ZFPM2: variants seen among roughly 807,000 people sequenced by gnomAD.
The protein encoded by ZFPM2 is zinc finger protein ZFPM2.
In ZFPM2, 20 loss-of-function variants were observed where a neutral mutation model predicts 98.6. The ratio of observed to expected loss-of-function variants is 0.20; its 90% confidence interval spans 0.14 to 0.29. ZFPM2 has a LOEUF of 0.29. Ranked by LOEUF, ZFPM2 falls within the 10% of genes least tolerant of loss-of-function variation. The pLI is 1.00. For synonymous variants in ZFPM2, 518 were observed against 502.7 expected, an observed-to-expected ratio of 1.03 and a Z score of -0.41; for missense variants, 1,310 against 1,388.6, an observed-to-expected ratio of 0.94 and a Z score of 0.90.
chr8:105,366,609 G>A (rs1233664548), intron 1 of ZFPM2, among the ~76,000 whole-genome samples: 38 of 151,334 alleles, frequency 2.5e-4, no homozygotes, highest in Non-Finnish European at 2.1e-4. Flanking sequence ...ATGCTGGTGC[G>A]CTGCACCCAC....
At position 105,802,880 on chromosome 8, in the gene ZFPM2, C is replaced by T. The variant is rs1376349550; in HGVS notation, c.2798C>T (p.Ser933Leu). The change falls in exon 8 of 8, where the codon TCA becomes TTA. Residue 933 changes from serine to leucine, a missense_variant. Ser to Leu is a moderately radical substitution (Grantham distance 145, BLOSUM62 -2). Coordinates refer to ENST00000407775, the MANE Select transcript of ZFPM2 (RefSeq NM_012082.4). ...KQPSPNGNLF[S>L]SHLATLQGLK... Reference sequence around the variant, plus strand: ...CCTTCCCCCAATGGAAACTTATTTTCATCCCACCTAGCAACCCTGCAAGGC... The same window carrying T: ...CCTTCCCCCAATGGAAACTTATTTTTATCCCACCTAGCAACCCTGCAAGGC... 6.2e-7 allele frequency: 1 copy of T among 1,613,780 alleles called. No individual in the cohort carries two copies. The highest frequency in any genetic ancestry group is 1.7e-5 in the Admixed American group (1 of 59,986).
intron 5 of ZFPM2, among the ~76,000 whole-genome samples, chr8:105,721,932 G>T (rs1294293503): frequency 6.6e-6 from 1 of 151,724 alleles, no homozygotes; most frequent in Non-Finnish European, 1.5e-5. Context: ...GAGATATGTA[G>T]CAAATGTAAA....
intron 4 of ZFPM2, among the ~76,000 whole-genome samples, chr8:105,598,079 T>G (rs960224923): frequency 2.0e-5 from 3 of 151,178 alleles, no homozygotes; most frequent in Non-Finnish European, 4.4e-5. Flanking sequence ...TTTTTTTTTT[T>G]TTTTGGTCAG....
intron 5 of ZFPM2, among the ~76,000 whole-genome samples, chr8:105,644,187 G>A (rs1816997360): frequency 6.6e-6 from 1 of 151,796 alleles, no homozygotes; most frequent in Non-Finnish European, 1.5e-5. Flanking sequence ...AGTTGCATGG[G>A]CTCCTTGCTT....
At chr8:105,575,728 CT>C (rs1815452273) in intron 4 of ZFPM2, among the ~76,000 whole-genome samples, 1 of 152,182 alleles carries the variant, frequency 6.6e-6, no homozygotes, top group African/African-American at 2.4e-5. Context: ...TATTAGGTCA[CT>C]TTTATTCTGT....
chr8:105,673,899 A>G (rs1817642446), intron 5 of ZFPM2, among the ~76,000 whole-genome samples: 2 of 152,208 alleles, frequency 1.3e-5, no homozygotes, highest in African/African-American at 4.8e-5. Flanking sequence ...AGTTCTTTCC[A>G]AAGAGGAAAA....
chr8:105,490,016 AG>A (rs1397889126), intron 3 of ZFPM2, among the ~76,000 whole-genome samples: 1 of 151,990 alleles, frequency 6.6e-6, no homozygotes. Context: ...TGGGAGGCCA[AG>A]GTGGGTGGAT....
chr8:105,373,328 T>C (rs1220285510), intron 1 of ZFPM2, among the ~76,000 whole-genome samples: 4 of 152,240 alleles, frequency 2.6e-5, no homozygotes, highest in Non-Finnish European at 4.4e-5. Context: ...AGAAATCATT[T>C]TGAGCTCTTA....
At chr8:105,397,653 A>G (rs1398400551) in intron 1 of ZFPM2, among the ~76,000 whole-genome samples, 1 of 152,136 alleles carries the variant, frequency 6.6e-6, no homozygotes, top group East Asian at 1.9e-4. Flanking sequence ...CCCCTGAAAT[A>G]TTGTTTCATA....
chr8:105,603,104 G>A (rs1816125898), intron 4 of ZFPM2, among the ~76,000 whole-genome samples: 2 of 151,948 alleles, frequency 1.3e-5, no homozygotes, highest in Non-Finnish European at 2.9e-5. Flanking sequence ...TCTCCATATG[G>A]CAGCTCTTTG....
chr8:105,398,045 T>C (rs1250536090), intron 1 of ZFPM2, among the ~76,000 whole-genome samples: 1 of 152,168 alleles, frequency 6.6e-6, no homozygotes, highest in African/African-American at 2.4e-5. Flanking sequence ...GGTCAATTCA[T>C]GTATTTTTTA....
chr8:105,574,094 A>T (rs1249031421), intron 4 of ZFPM2, among the ~76,000 whole-genome samples: 1 of 152,334 alleles, frequency 6.6e-6, no homozygotes, highest in South Asian at 2.1e-4. Flanking sequence ...CAAGCAGTGC[A>T]TCTAGTCTTT....
At chr8:105,349,227 A>G (rs1433059813) in intron 1 of ZFPM2, among the ~76,000 whole-genome samples, 2 of 152,156 alleles carry the variant, frequency 1.3e-5, no homozygotes, top group East Asian at 3.8e-4. Context: ...TCGGGCTTGT[A>G]TTTATCCACA....
At chr8:105,764,059 G>T (rs2131077675) in intron 5 of ZFPM2, among the ~76,000 whole-genome samples, 1 of 151,788 alleles carries the variant, frequency 6.6e-6, no homozygotes, top group African/African-American at 2.4e-5. Context: ...TTATTTTATT[G>T]ACCACATTTT....
At chr8:105,542,765 G>A (rs1210029938) in intron 3 of ZFPM2, among the ~76,000 whole-genome samples, 1 of 152,156 alleles carries the variant, frequency 6.6e-6, no homozygotes, top group Non-Finnish European at 1.5e-5. Context: ...AGTCCAAGGA[G>A]ATTCCTTATA....
chr8:105,512,877 T>A (rs1465888794), intron 3 of ZFPM2, among the ~76,000 whole-genome samples: 1 of 151,906 alleles, frequency 6.6e-6, no homozygotes, highest in Non-Finnish European at 1.5e-5. Context: ...AATACATGTA[T>A]GTATATGTGT....
intron 3 of ZFPM2, among the ~76,000 whole-genome samples, chr8:105,556,757 C>T (rs1815004103): frequency 1.5e-5 from 2 of 134,862 alleles, no homozygotes; most frequent in African/African-American, 5.5e-5. Flanking sequence ...GAGTCTTGCT[C>T]TGTCACCCAG....
chr8:105,612,236 A>G (rs1287342561), intron 4 of ZFPM2, among the ~76,000 whole-genome samples: 3 of 152,200 alleles, frequency 2.0e-5, no homozygotes, highest in Non-Finnish European at 4.4e-5. Flanking sequence ...ATCTTAAATA[A>G]ACTAGAATAT....
intron 3 of ZFPM2, among the ~76,000 whole-genome samples, chr8:105,521,015 G>A (rs1444308715): frequency 6.8e-6 from 1 of 146,650 alleles, no homozygotes; most frequent in East Asian, 1.9e-4. Context: ...TTACATATAT[G>A]TTAAAAATTT....
Sources: gnomAD v4.1 joint callset for allele counts (sites outside exome capture counted in the v4.1 genomes callset) on GRCh38, gnomAD v4.1.1 for gene constraint, MANE v1.5 for transcripts, NCBI Gene and HGNC (gene_info 2026-07-23, HGNC 2026-07-21) for gene names.